The following RAB3GAP1 variants were observed in gnomAD, a reference collection of about 807,000 sequenced individuals.
RAB3GAP1 encodes rab3 GTPase-activating protein catalytic subunit.
Under a neutral mutation model 130.7 loss-of-function variants are expected in RAB3GAP1, and 86 were observed. The ratio of observed to expected loss-of-function variants is 0.66; its 90% CI spans 0.55 to 0.79. RAB3GAP1 has a LOEUF of 0.79. RAB3GAP1 is among the 30% of genes least tolerant of loss of function. The pLI is 0.00. For synonymous variants in RAB3GAP1, 367 were observed against 401.7 expected (o/e 0.91, Z 1.03); for missense variants, 1,029 against 1,169.4 (o/e 0.88, Z 1.75).
chr2:135,153,651 A>G lies in RAB3GAP1; in HGVS notation c.2064A>G (p.Ala688=). 1 of 1,613,850 alleles carries G rather than the reference A, an allele frequency of 6.2e-7. No homozygotes were observed. Among genetic ancestry groups the G allele is most frequent in the Non-Finnish European group, 8.5e-7 (1 of 1,179,768 alleles). ...CLLSDMESFK[A]ANPGCSLEDF... Reference sequence around the variant, plus strand: ...TGAATTTTTTTGTCTTATTTTAGGCAGCTAATCCAGGTTGCTCCCTGGAAG... The same window carrying G: ...TGAATTTTTTTGTCTTATTTTAGGCGGCTAATCCAGGTTGCTCCCTGGAAG... Residue 688 remains alanine (A), a splice_region_variant and synonymous_variant, in exon 19 of 24, where the codon GCA becomes GCG. Coordinates refer to ENST00000264158, the MANE Select transcript of RAB3GAP1 (RefSeq NM_012233.3).
chr2:135,075,678 T>TG (rs777494294), intron 3 of RAB3GAP1, among the ~76,000 whole-genome samples: 91 of 147,388 alleles, frequency 6.2e-4, no homozygotes, highest in East Asian at 4.4e-3. Flanking sequence ...TGCCTTTTTT[T>TG]GGGGGGGGTC....
chr2:135,149,307 C>T (rs1025101183), intron 17 of RAB3GAP1, among the ~76,000 whole-genome samples: 2 of 152,046 alleles, frequency 1.3e-5, no homozygotes, highest in African/African-American at 2.4e-5. Flanking sequence ...GTATACTGAC[C>T]CTTAGTCAAA....
chr2:135,086,902 A>G (rs569795978), intron 3 of RAB3GAP1, among the ~76,000 whole-genome samples: 1 of 151,834 alleles, frequency 6.6e-6, no homozygotes, highest in Non-Finnish European at 1.5e-5. Context: ...ACTTCAAGTG[A>G]TCCTCCCTGA....
chr2:135,152,257 G>A (rs1273654629), intron 18 of RAB3GAP1, among the ~76,000 whole-genome samples: 3 of 152,218 alleles, frequency 2.0e-5, no homozygotes, highest in African/African-American at 7.2e-5. Flanking sequence ...AGTTCCAGAA[G>A]GAGAGGGTGG....
intron 3 of RAB3GAP1, among the ~76,000 whole-genome samples, chr2:135,077,225 G>A (rs908157116): frequency 1.3e-5 from 2 of 151,990 alleles, no homozygotes; most frequent in African/African-American, 2.4e-5. Context: ...AGATGAGATC[G>A]AGCCACTCCA....
At chr2:135,152,676 A>AG (rs1039171244) in intron 18 of RAB3GAP1, among the ~76,000 whole-genome samples, 1 of 152,176 alleles carries the variant, frequency 6.6e-6, no homozygotes, top group Non-Finnish European at 1.5e-5. Flanking sequence ...ATATGCCCTT[A>AG]GGGGTATATC....
intron 19 of RAB3GAP1, among the ~76,000 whole-genome samples, chr2:135,157,657 C>A (rs1212132858): frequency 1.3e-5 from 2 of 151,888 alleles, no homozygotes; most frequent in South Asian, 2.1e-4. Flanking sequence ...TGTGGTGAAA[C>A]CCCATCTCTA....
At chr2:135,053,393 G>A (rs1318014141) in intron 2 of RAB3GAP1, among the ~76,000 whole-genome samples, 1 of 152,240 alleles carries the variant, frequency 6.6e-6, no homozygotes, top group African/African-American at 2.4e-5. Context: ...ACAGCTGTCT[G>A]GGTGAAACTG....
intron 4 of RAB3GAP1, among the ~76,000 whole-genome samples, chr2:135,092,314 G>A (rs1176248908): frequency 1.3e-5 from 2 of 152,194 alleles, no homozygotes; most frequent in South Asian, 4.1e-4. Flanking sequence ...GAAAATTTAA[G>A]TGCTGTTAAT....
chr2:135,074,615 C>T (rs1398333520), intron 3 of RAB3GAP1, among the ~76,000 whole-genome samples: 1 of 152,036 alleles, frequency 6.6e-6, no homozygotes, highest in Non-Finnish European at 1.5e-5. Context: ...GGAAGGGAGA[C>T]AGTAAGAGAA....
In RAB3GAP1 at chr2:135,091,008, C is replaced by T. The variant is rs1275568364; in HGVS notation, c.161C>T (p.Thr54Ile). The T allele has an allele frequency of 1.9e-6, 3 of 1,611,890 alleles. No homozygotes were observed. The highest frequency in any genetic ancestry group is 1.3e-5 in the African/African-American group (1 of 74,816). ...TATTGGTACATATAGGGTATATTTA[C>T]TTCTGGCACATGGGAAGAGAAATCA... ...LGKPLEKGIF[T>I]SGTWEEKSDE... is the part of the protein sequence containing the mutation. The change falls in exon 4 of 24, where the codon ACT becomes ATT. Residue 54 changes from threonine to isoleucine, a missense_variant. Physicochemically the swap from Thr to Ile is moderately conservative, Grantham distance 89. Around this residue, in one of 3 missense-constraint regions of RAB3GAP1, gnomAD observed 510 missense variants for 532.1 expected, o/e 0.96. Transcript: ENST00000264158.
chr2:135,157,279 A>C (rs943895620), intron 19 of RAB3GAP1, among the ~76,000 whole-genome samples: 1 of 152,138 alleles, frequency 6.6e-6, no homozygotes, highest in African/African-American at 2.4e-5. Flanking sequence ...TCATCTTCCG[A>C]AAGTGTTGGG....
intron 2 of RAB3GAP1, among the ~76,000 whole-genome samples, chr2:135,057,704 TTGTGCCCCAAA>T (rs1689052296): frequency 6.6e-6 from 1 of 152,222 alleles, no homozygotes; most frequent in Admixed American, 6.5e-5. Flanking sequence ...CAGTTTTTAT[TTGTGCCCCAAA>T]TTTGTTTTAT....
At chr2:135,110,325 G>A (rs567498001) in intron 5 of RAB3GAP1, among the ~76,000 whole-genome samples, 1 of 152,092 alleles carries the variant, frequency 6.6e-6, no homozygotes, top group Non-Finnish European at 1.5e-5. Flanking sequence ...TGTAGAGAGT[G>A]GGTCTTGCTA....
rs1216831944 is a variant in RAB3GAP1, at chr2:135,081,361, T to TATAC, written c.151-9636_151-9635insTACA. Among the ~76,000 whole-genome samples, 225 of 71,154 alleles carry TATAC rather than the reference T, an allele frequency of 3.2e-3. 2 individuals are homozygous for TATAC. The highest frequency in any genetic ancestry group is 0.013 in the Middle Eastern group (1 of 76). 46.7% of individuals were successfully genotyped at this position (71,154 alleles called of 152,430 possible). A position where few individuals can be genotyped will look rare whatever the true frequency, so the allele number is the denominator to read the frequency against. ...ATATATATATATATATATATATATA[T>TATAC]ACACACACGTGTGTGTGTGTATATA... is the stretch of plus-strand genomic sequence containing the variant. On this transcript the variant is annotated intron_variant, in intron 3 of 23. Transcript: ENST00000264158.
intron 3 of RAB3GAP1, among the ~76,000 whole-genome samples, chr2:135,075,684 G>C (rs1416229223): frequency 7.1e-6 from 1 of 140,524 alleles, no homozygotes; most frequent in Non-Finnish European, 1.5e-5. Flanking sequence ...TTTTTGGGGG[G>C]GGTCACTATT....
intron 11 of RAB3GAP1, among the ~76,000 whole-genome samples, chr2:135,127,676 C>G (rs1335298219): frequency 6.6e-6 from 1 of 152,078 alleles, no homozygotes; most frequent in Non-Finnish European, 1.5e-5. Context: ...CGCTTTAGAG[C>G]CCTTCTATAG....
At chr2:135,112,574 A>G (rs774469393) in intron 5 of RAB3GAP1, among the ~76,000 whole-genome samples, 2 of 151,956 alleles carry the variant, frequency 1.3e-5, no homozygotes, top group Admixed American at 6.6e-5. Flanking sequence ...CTCCCACCAC[A>G]CACCTCTCCC....
rs550240255 is a variant in RAB3GAP1 at position 135,110,360 on chromosome 2, C to T, written c.363-2791C>T. The stretch of plus-strand genomic sequence containing the variant: ...ATGTTGCCTAGGCTGGTCTTGAACT[C>T]CTAAGCTCAAGTGATCCTCCTGTCT... On this transcript the variant is annotated intron_variant, in intron 5 of 23. Transcript: ENST00000264158. Among the ~76,000 whole-genome samples, 8 of 152,198 alleles carry T rather than the reference C, an allele frequency of 5.3e-5. No homozygotes were observed. In the South Asian group the frequency reaches 1.5e-3, roughly 28 times the overall value.
Sources: allele counts gnomAD v4.1 joint callset (sites outside exome capture counted in the v4.1 genomes callset), GRCh38; gene constraint gnomAD v4.1.1; regional missense constraint gnomAD v4.1.1; transcripts MANE v1.5; gene names NCBI Gene and HGNC (gene_info 2026-07-23, HGNC 2026-07-21).